Variants in MSTO1 observed in about 807,000 individuals in gnomAD.
The protein encoded by MSTO1 is misato mitochondrial distribution and morphology regulator 1, also known as protein misato homolog 1.
Under a neutral mutation model 55.7 loss-of-function variants are expected in MSTO1, and 24 were observed. That is an observed-to-expected ratio of 0.43 (90% confidence interval 0.31 to 0.61). The LOEUF (loss-of-function observed/expected upper bound fraction) is 0.61, where lower values mean the gene tolerates loss of function less well. MSTO1 is among the 20% of genes least tolerant of loss of function. The pLI is 0.09. For synonymous variants in MSTO1, 162 were observed against 252.8 expected (o/e 0.64, Z 3.41); for missense variants, 363 against 625.7 (o/e 0.58, Z 4.48).
chr1:155,607,437 G>C (rs921105749), upstream of MSTO1, among the ~76,000 whole-genome samples: 1 of 152,202 alleles, frequency 6.6e-6, no homozygotes, highest in Admixed American at 6.5e-5. Flanking sequence ...GCCTCCCAAA[G>C]TGCTAGTATT....
chr1:155,594,934 C>T, the MSTO1 span, among the ~76,000 whole-genome samples: 2 of 152,024 alleles, frequency 1.3e-5, no homozygotes, highest in Admixed American at 6.6e-5. Context: ...ATCAGGAGTT[C>T]GTGACCAGCC....
chr1:155,602,286 G>A, the MSTO1 span: 13 of 309,124 alleles, frequency 4.2e-5, no homozygotes, highest in African/African-American at 1.8e-4. Context: ...CGAAACCAGC[G>A]ACCAACATGG....
chr1:155,564,547 C>G, the MSTO1 span, among the ~76,000 whole-genome samples: 1 of 152,234 alleles, frequency 6.6e-6, no homozygotes, highest in Non-Finnish European at 1.5e-5. Context: ...TTCAAGTAGA[C>G]AGTCCCAAAT....
chr1:155,578,507 CTTTTTTT>C, the MSTO1 span, among the ~76,000 whole-genome samples: 1 of 99,512 alleles, frequency 1.0e-5, no homozygotes, highest in East Asian at 3.0e-4. Flanking sequence ...CCCGGCTAAT[CTTTTTTT>C]TTTTTTTTTT....
the MSTO1 span, among the ~76,000 whole-genome samples, chr1:155,580,391 C>T: frequency 2.0e-5 from 3 of 151,880 alleles, no homozygotes; most frequent in African/African-American, 7.3e-5. Flanking sequence ...ATAAATTAGC[C>T]AGGCGTGGTG....
At chr1:155,573,317 C>T in the MSTO1 span, among the ~76,000 whole-genome samples, 9 of 152,178 alleles carry the variant, frequency 5.9e-5, no homozygotes, top group African/African-American at 1.9e-4. Context: ...AATCCCAGCA[C>T]TTTGAGAGGC....
At chr1:155,602,532 CA>C in the MSTO1 span, among the ~76,000 whole-genome samples, 3 of 152,104 alleles carry the variant, frequency 2.0e-5, no homozygotes, top group Non-Finnish European at 4.4e-5. Context: ...CTTCCTGAGC[CA>C]GGTGACAAGA....
chr1:155,571,049 G>T, the MSTO1 span, among the ~76,000 whole-genome samples: 1 of 152,174 alleles, frequency 6.6e-6, no homozygotes, highest in Non-Finnish European at 1.5e-5. Context: ...AGGTTGGCCG[G>T]ACACAATGCT....
chr1:155,582,472 G>T, the MSTO1 span, among the ~76,000 whole-genome samples: 1 of 151,640 alleles, frequency 6.6e-6, no homozygotes, highest in Non-Finnish European at 1.5e-5. Flanking sequence ...TTGTTTGTTT[G>T]TTTTTTGAGA....
the MSTO1 span, among the ~76,000 whole-genome samples, chr1:155,604,217 G>A: frequency 2.4e-3 from 370 of 152,218 alleles, 1 homozygote; most frequent in African/African-American, 7.9e-3. Flanking sequence ...GAAGTTATAC[G>A]GAGTGGACCT....
At chr1:155,602,915 A>T in the MSTO1 span, among the ~76,000 whole-genome samples, 12 of 152,172 alleles carry the variant, frequency 7.9e-5, no homozygotes, top group Non-Finnish European at 1.8e-4. Context: ...TGATTCTTGG[A>T]TACCCTGTCT....
the MSTO1 span, among the ~76,000 whole-genome samples, chr1:155,574,948 C>A: frequency 6.7e-6 from 1 of 149,538 alleles, no homozygotes; most frequent in Non-Finnish European, 1.5e-5. Context: ...CTCACTGCAA[C>A]CTCCACCTCC....
the MSTO1 span, among the ~76,000 whole-genome samples, chr1:155,586,098 GT>G: frequency 6.7e-6 from 1 of 148,390 alleles, no homozygotes; most frequent in East Asian, 2.0e-4. Flanking sequence ...ACGGACATTT[GT>G]TTTTTTTACA....
At chr1:155,581,893 A>G in the MSTO1 span, among the ~76,000 whole-genome samples, 4 of 151,380 alleles carry the variant, frequency 2.6e-5, no homozygotes, top group African/African-American at 9.7e-5. Flanking sequence ...TCCCCGGTGC[A>G]AGCGATTCTC....
chr1:155,569,292 C>T, the MSTO1 span, among the ~76,000 whole-genome samples: 2 of 151,386 alleles, frequency 1.3e-5, no homozygotes, highest in Non-Finnish European at 2.9e-5. Context: ...CCCGCCACCA[C>T]GCCCAGCTAA....
At chr1:155,580,697 T>C in the MSTO1 span, among the ~76,000 whole-genome samples, 1 of 152,018 alleles carries the variant, frequency 6.6e-6, no homozygotes, top group Non-Finnish European at 1.5e-5. Flanking sequence ...GGTGGGCGGA[T>C]TGCCTGAGCT....
rs145633919 is a variant in MSTO1 at position 155,612,238 on chromosome 1, G to A, written c.735G>A (p.Ala245=). Residue 245 remains alanine, a synonymous_variant, in exon 8 of 14, where the codon GCG becomes GCA. Coordinates refer to ENST00000245564, the MANE Select transcript of MSTO1 (RefSeq NM_018116.4). The part of the protein sequence containing the change: ...HDGFSGVGAK[A]AELLQDEYSG... ...GCTTCTCTGGGGTAGGCGCGAAGGC[G>A]GCAGAGCTGCTACAAGATGAATATT... The A allele has an allele frequency of 6.3e-6, 10 of 1,596,888 alleles. No individual in the cohort carries two copies. The highest frequency in any genetic ancestry group is 2.7e-5 in the African/African-American group (2 of 74,408).
the MSTO1 span, among the ~76,000 whole-genome samples, chr1:155,566,845 C>G: frequency 6.6e-6 from 1 of 151,904 alleles, no homozygotes; most frequent in Non-Finnish European, 1.5e-5. Context: ...GAACTCCCGA[C>G]CTCAGGTGAT....
the MSTO1 span, among the ~76,000 whole-genome samples, chr1:155,589,297 C>CA: frequency 2.5e-3 from 347 of 137,098 alleles, no homozygotes; most frequent in Admixed American, 3.1e-3. Flanking sequence ...GACTCCATCT[C>CA]AAAAAAAAAA....
Sources: gnomAD v4.1 joint callset for allele counts (sites outside exome capture counted in the v4.1 genomes callset) on GRCh38, gnomAD v4.1.1 for gene constraint, MANE v1.5 for transcripts, NCBI Gene and HGNC (gene_info 2026-07-23, HGNC 2026-07-21) for gene names.